The following COL9A1 variants were observed in gnomAD, a reference collection of about 807,000 sequenced individuals.
COL9A1 encodes the protein collagen alpha-1(IX) chain.
A neutral mutation model predicts 142.6 loss-of-function variants in COL9A1; 104 were observed. That is an observed-to-expected ratio of 0.73 (90% confidence interval 0.62 to 0.86). The LOEUF (loss-of-function observed/expected upper bound fraction) is 0.86, where lower values mean the gene tolerates loss of function less well. Ranked by LOEUF, COL9A1 falls within the 40% of genes least tolerant of loss-of-function variation. The probability of loss-of-function intolerance (pLI) is 0.00; values close to 1 mark genes in which losing one functional copy is unlikely to be tolerated. For synonymous variants in COL9A1, 466 were observed against 396.0 expected, an observed-to-expected ratio of 1.18 and a Z score of -2.10; for missense variants, 1,210 against 1,176.6, an observed-to-expected ratio of 1.03 and a Z score of -0.42.
chr6:70,292,629 A>T (rs1773699985), intron 5 of COL9A1, among the ~76,000 whole-genome samples: 1 of 152,186 alleles, frequency 6.6e-6, no homozygotes, highest in African/African-American at 2.4e-5. Context: ...TAGCTCACAG[A>T]ATTTAGTGTT....
chr6:70,285,460 C>A (rs1017846279), intron 5 of COL9A1, among the ~76,000 whole-genome samples: 1 of 152,224 alleles, frequency 6.6e-6, no homozygotes, highest in African/African-American at 2.4e-5. Flanking sequence ...GATTTTCACA[C>A]ATTTCTCATT....
chr6:70,233,483 A>T (rs1769689663), intron 35 of COL9A1, among the ~76,000 whole-genome samples: 4 of 152,156 alleles, frequency 2.6e-5, no homozygotes, highest in Admixed American at 2.6e-4. Flanking sequence ...CCTACAACAA[A>T]ATCTCCCCAT....
intron 6 of COL9A1, 53 bp from the exon 7 acceptor site, chr6:70,282,971 C>G: frequency 6.2e-7 from 1 of 1,614,136 alleles, no homozygotes; most frequent in Non-Finnish European, 8.5e-7. Flanking sequence ...CAAACTCGAT[C>G]GCAACTTACT....
At chr6:70,280,934 T>G in intron 9 of COL9A1, 60 bp from the exon 10 acceptor site, 1 of 1,612,758 alleles carries the variant, frequency 6.2e-7, no homozygotes, top group Non-Finnish European at 8.5e-7. Flanking sequence ...TTGAGACCCT[T>G]CAGAAACAGG....
intron 37 of COL9A1, among the ~76,000 whole-genome samples, chr6:70,223,325 A>G (rs1442482164): frequency 1.3e-5 from 2 of 152,208 alleles, no homozygotes; most frequent in African/African-American, 2.4e-5. Flanking sequence ...AGCAATTTAC[A>G]TGGATTGAGT....
At chr6:70,224,186 A>G (rs1175226079) in intron 37 of COL9A1, among the ~76,000 whole-genome samples, 1 of 152,234 alleles carries the variant, frequency 6.6e-6, no homozygotes, top group Non-Finnish European at 1.5e-5. Flanking sequence ...GCTGCAAATG[A>G]TGATCTTGTC....
chr6:70,270,631 A>T (rs16868852), intron 14 of COL9A1, among the ~76,000 whole-genome samples: 1 of 152,210 alleles, frequency 6.6e-6, no homozygotes, highest in South Asian at 2.1e-4. Flanking sequence ...CTTCTCTATC[A>T]GACAAACATT....
chr6:70,236,201 T>C (rs368308543), intron 33 of COL9A1, among the ~76,000 whole-genome samples: 1 of 150,768 alleles, frequency 6.6e-6, no homozygotes, highest in Non-Finnish European at 1.5e-5. Flanking sequence ...ATCTAAATAT[T>C]GAAGAAGTTA....
intron 36 of COL9A1, among the ~76,000 whole-genome samples, chr6:70,231,000 T>G (rs12212518): frequency 0.22 from 34,204 of 152,088 alleles, 4,126 homozygotes; most frequent in Non-Finnish European, 0.27. Context: ...GCCCTATAAG[T>G]CATTCCCTTT....
intron 19 of COL9A1, 136 bp downstream of exon 19, chr6:70,263,108 G>T (rs1210849530): frequency 6.3e-6 from 4 of 634,676 alleles, no homozygotes; most frequent in Non-Finnish European, 1.1e-5. Context: ...CCCCAGTGCT[G>T]GCGTGGTGGA....
At chr6:70,280,662 C>A in intron 10 of COL9A1, 150 bp downstream of exon 10, 1 of 1,271,158 alleles carries the variant, frequency 7.9e-7, no homozygotes, top group Non-Finnish European at 1.1e-6. Context: ...GTTCCACGAT[C>A]AATCAGGCGC....
chr6:70,254,760 T>G, intron 24 of COL9A1: 1 of 686,546 alleles, frequency 1.5e-6, no homozygotes, highest in Non-Finnish European at 2.5e-6. Context: ...AGGGCAATTT[T>G]ACTGAGTTCC....
chr6:70,266,079 G>T (rs604896), intron 18 of COL9A1, among the ~76,000 whole-genome samples: 15,082 of 152,112 alleles, frequency 0.099, 1,496 homozygotes, highest in East Asian at 0.25. Flanking sequence ...TTACACTAGT[G>T]GATGAAAAGA....
rs763816689 is a variant in COL9A1, at chr6:70,280,879, G to A, written c.913-5C>T. The A allele has an allele frequency of 6.2e-7, 1 of 1,613,548 alleles. No individual in the cohort carries two copies. Among genetic ancestry groups the A allele is most frequent in the Non-Finnish European group, 8.5e-7 (1 of 1,179,868 alleles). On this transcript the variant is annotated splice_region_variant and splice_polypyrimidine_tract_variant and intron_variant, in intron 9 of 37. Transcript: ENST00000357250. ...TCCCGGTTCACCTGCAGGACCCTGAGCAGGGGCAGAAGGGTGCGGGGGCAG... is the reference window on the plus strand; with the variant it reads ...TCCCGGTTCACCTGCAGGACCCTGAACAGGGGCAGAAGGGTGCGGGGGCAG...
intron 5 of COL9A1, among the ~76,000 whole-genome samples, chr6:70,285,128 T>A (rs1445788179): frequency 6.6e-6 from 1 of 152,246 alleles, no homozygotes; most frequent in East Asian, 1.9e-4. Flanking sequence ...CATTAAACTG[T>A]TTTCTCAAAT....
chr6:70,272,227 AG>A, intron 12 of COL9A1, 139 bp from the exon 13 acceptor site: 1 of 673,364 alleles, frequency 1.5e-6, no homozygotes, highest in South Asian at 2.2e-5. Context: ...CACTGAATAA[AG>A]AAAAGCAAAC....
intron 37 of COL9A1, among the ~76,000 whole-genome samples, chr6:70,219,922 T>C (rs1768763404): frequency 6.6e-6 from 1 of 152,258 alleles, no homozygotes; most frequent in South Asian, 2.1e-4. Context: ...GATAGCTTTT[T>C]AGATTTTCAC....
At chr6:70,263,159 C>A in intron 19 of COL9A1, 85 bp downstream of exon 19, 2 of 1,121,892 alleles carry the variant, frequency 1.8e-6, no homozygotes, top group East Asian at 2.6e-5. Context: ...ATTCATCCAA[C>A]TGCTAAATAG....
chr6:70,233,348 A>G (rs1769677859), intron 35 of COL9A1, among the ~76,000 whole-genome samples: 2 of 152,214 alleles, frequency 1.3e-5, no homozygotes, highest in African/African-American at 4.8e-5. Flanking sequence ...CGCTTGAAAT[A>G]GACAACAAAC....
Sources: allele counts gnomAD v4.1 joint callset (sites outside exome capture counted in the v4.1 genomes callset), GRCh38; gene constraint gnomAD v4.1.1; transcripts MANE v1.5; gene names NCBI Gene and HGNC (gene_info 2026-07-23, HGNC 2026-07-21).